DMD: variants seen among roughly 807,000 people sequenced by gnomAD.
DMD encodes dystrophin.
Under a neutral mutation model 330.1 loss-of-function variants are expected in DMD, and 63 were observed. That is an observed-to-expected ratio of 0.19 (90% CI 0.16 to 0.24). The LOEUF is 0.24. Ranked by LOEUF, DMD falls within the 10% of genes least tolerant of loss-of-function variation. DMD has a pLI of 1.00. For missense variants in DMD, 3,344 were observed against 2,684.1 expected, an observed-to-expected ratio of 1.25 and a Z score of -5.43; for synonymous variants, 1,223 against 959.8, an observed-to-expected ratio of 1.27 and a Z score of -5.07.
chrX:32,932,424 G>A (rs781434802), intron 2 of DMD, among the ~76,000 whole-genome samples: 1 of 111,639 alleles, frequency 9.0e-6, no homozygotes, highest in Non-Finnish European at 1.9e-5. Context: ...TTATTTTCAG[G>A]GGAACTTCCA....
intron 1 of DMD, among the ~76,000 whole-genome samples, chrX:33,217,605 TTAA>T (rs2052081489): frequency 8.9e-6 from 1 of 111,772 alleles, no homozygotes; most frequent in South Asian, 3.7e-4. Flanking sequence ...CAATTAATTT[TTAA>T]TAATCATTTT....
chrX:32,493,419 AG>A (rs1203887878), intron 19 of DMD, among the ~76,000 whole-genome samples: 1 of 112,040 alleles, frequency 8.9e-6, no homozygotes, highest in African/African-American at 3.2e-5. Flanking sequence ...GAATGTAAAA[AG>A]AATATATACA....
intron 1 of DMD, among the ~76,000 whole-genome samples, chrX:33,301,737 A>G (rs2053665564): frequency 9.0e-6 from 1 of 110,895 alleles, no homozygotes; most frequent in African/African-American, 3.3e-5. Flanking sequence ...AAAATATAAG[A>G]GCCTAGTTAG....
chrX:32,506,743 A>G (rs1179803415), intron 18 of DMD, among the ~76,000 whole-genome samples: 2 of 111,540 alleles, frequency 1.8e-5, no homozygotes, highest in African/African-American at 3.3e-5. Flanking sequence ...TTGTGATTTT[A>G]TGTTCCCAGG....
intron 1 of DMD, among the ~76,000 whole-genome samples, chrX:33,102,137 C>A (rs1293102155): frequency 3.6e-5 from 4 of 111,573 alleles, no homozygotes; most frequent in African/African-American, 1.3e-4. Context: ...TTATTTATTT[C>A]AGGTTTGTTG....
At chrX:32,653,932 G>C (rs759318708) in intron 9 of DMD, among the ~76,000 whole-genome samples, 6 of 111,776 alleles carry the variant, frequency 5.4e-5, no homozygotes, top group Non-Finnish European at 9.4e-5. Context: ...TGTGAATGGA[G>C]TTCACTCATG....
intron 41 of DMD, among the ~76,000 whole-genome samples, chrX:32,314,982 AT>A (rs770799914): frequency 8.9e-6 from 1 of 111,914 alleles, no homozygotes; most frequent in East Asian, 2.8e-4. Context: ...CAGTGTGCAG[AT>A]TCCTCAAGGA....
At chrX:32,649,489 G>C (rs2059994235) in intron 9 of DMD, among the ~76,000 whole-genome samples, 1 of 105,128 alleles carries the variant, frequency 9.5e-6, no homozygotes, top group African/African-American at 3.6e-5. Flanking sequence ...CCGGGAGGCG[G>C]AGCTTGCAGT....
intron 9 of DMD, among the ~76,000 whole-genome samples, chrX:32,653,674 G>GT (rs1199553382): frequency 5.4e-5 from 6 of 111,935 alleles, no homozygotes; most frequent in Non-Finnish European, 1.1e-4. Context: ...CTTTAAAGTA[G>GT]TTTTTTCCAA....
At chrX:32,182,795 C>G (rs1443647987) in intron 44 of DMD, among the ~76,000 whole-genome samples, 1 of 111,320 alleles carries the variant, frequency 9.0e-6, no homozygotes, top group Non-Finnish European at 1.9e-5. Flanking sequence ...AAAGTTAGTG[C>G]TATTTAATGG....
At chrX:31,590,570 A>G (rs966153355) in intron 55 of DMD, among the ~76,000 whole-genome samples, 3 of 109,372 alleles carry the variant, frequency 2.7e-5, no homozygotes, top group African/African-American at 7.0e-5. Flanking sequence ...CATTCTAGAT[A>G]TGAATTTTAG....
At chrX:32,738,424 C>T (rs1302979528) in intron 7 of DMD, among the ~76,000 whole-genome samples, 1 of 111,754 alleles carries the variant, frequency 8.9e-6, no homozygotes, top group Non-Finnish European at 1.9e-5. Flanking sequence ...ATTCCTTTCT[C>T]TCCTCAACAG....
At chrX:32,538,892 C>A (rs1046620223) in intron 17 of DMD, among the ~76,000 whole-genome samples, 1 of 109,696 alleles carries the variant, frequency 9.1e-6, no homozygotes, top group Non-Finnish European at 1.9e-5. Context: ...TTTTTGGGCC[C>A]ACCAGCAGTG....
chrX:33,163,600 A>ATCTC (rs768868985), intron 1 of DMD, among the ~76,000 whole-genome samples: 14 of 54,277 alleles, frequency 2.6e-4, no homozygotes, highest in African/African-American at 1.4e-3. Flanking sequence ...ATCTATATCT[A>ATCTC]TATATATCTA....
chrX:32,908,549 A>G (rs988100844), intron 2 of DMD, among the ~76,000 whole-genome samples: 1 of 112,053 alleles, frequency 8.9e-6, no homozygotes, highest in African/African-American at 3.2e-5. Context: ...ATATTGGTGA[A>G]TTTAAAATGA....
chrX:31,648,617 C>CAAAAAAAAA lies in DMD; in HGVS notation c.8027+9364_8027+9372dup, dbSNP rs548846514. ...TTCCCTACGGGGTGAAAGGGAGCTG[C>CAAAAAAAAA]AAAAAAAAAAAAAAAAAAAAAAAAA... On this transcript the variant is annotated intron_variant, in intron 54 of 78. Transcript: ENST00000357033. Among the ~76,000 whole-genome samples, 9 of 18,993 alleles carry CAAAAAAAAA rather than the reference C, an allele frequency of 4.7e-4. 1 individual carries two copies. The highest frequency in any genetic ancestry group is 7.2e-3 in the South Asian group (1 of 138). The allele number at this position is 18,993 out of a possible 115,157, so 16.5% of individuals were successfully genotyped here.
rs1246963206 is a variant in DMD at position 32,949,326 on chromosome X, ATAGGTAGG to A, written c.93+70805_93+70812del. Among the ~76,000 whole-genome samples, 6 of 96,983 alleles carry A rather than the reference ATAGGTAGG, an allele frequency of 6.2e-5. No individual in the cohort carries two copies. The South Asian group carries it at 1.5e-3, about 24-fold the overall frequency. The allele number at this position is 96,983 out of a possible 115,157, so 84.2% of individuals were successfully genotyped here. ...ATATATTAGATGATAGATAGATTAG[ATAGGTAGG>A]TAGGTAGGTAGATAGATAGATAGAT... On this transcript the variant is annotated intron_variant, in intron 2 of 78. Transcript: ENST00000357033.
At chrX:32,159,032 G>C (rs1308820500) in intron 44 of DMD, among the ~76,000 whole-genome samples, 1 of 112,125 alleles carries the variant, frequency 8.9e-6, no homozygotes, top group Non-Finnish European at 1.9e-5. Flanking sequence ...AATCTTCACT[G>C]TGCTGTTTCC....
chrX:33,048,494 A>G (rs1471316416), intron 1 of DMD, among the ~76,000 whole-genome samples: 7 of 109,348 alleles, frequency 6.4e-5, no homozygotes, highest in African/African-American at 2.3e-4. Flanking sequence ...GTTCAAGACC[A>G]GCGTGCCCAA....
Sources: gnomAD v4.1 joint callset for allele counts (sites outside exome capture counted in the v4.1 genomes callset) on GRCh38, gnomAD v4.1.1 for gene constraint, MANE v1.5 for transcripts, NCBI Gene and HGNC (gene_info 2026-07-23, HGNC 2026-07-21) for gene names.